NALCN: variants seen among roughly 807,000 people sequenced by gnomAD.
NALCN encodes sodium leak channel, non-selective, also known as sodium leak channel NALCN.
Under a neutral mutation model 225.3 loss-of-function variants are expected in NALCN, and 111 were observed. The ratio of observed to expected loss-of-function variants is 0.49; its 90% CI spans 0.42 to 0.58. NALCN has a LOEUF of 0.58. Ranked by LOEUF, NALCN falls within the 20% of genes least tolerant of loss-of-function variation. The pLI, the probability that NALCN is intolerant of heterozygous loss-of-function variation, is 0.00. For missense variants in NALCN, 1,378 were observed against 2,202.4 expected (o/e 0.63, Z 7.49); for synonymous variants, 764 against 769.0 (o/e 0.99, Z 0.11).
At chr13:101,207,869 T>G (rs1187502342) in intron 13 of NALCN, among the ~76,000 whole-genome samples, 1 of 152,206 alleles carries the variant, frequency 6.6e-6, no homozygotes, top group Admixed American at 6.5e-5. Context: ...TTGCTGCTGC[T>G]CACTCTTTGG....
intron 9 of NALCN, among the ~76,000 whole-genome samples, 175 bp from the exon 10 acceptor site, chr13:101,284,194 A>C (rs1483737724): frequency 6.6e-6 from 1 of 152,224 alleles, no homozygotes; most frequent in Non-Finnish European, 1.5e-5. Flanking sequence ...TAAATGAATG[A>C]AAAAAGAACA....
chr13:101,299,093 T>C (rs955619318), intron 7 of NALCN, among the ~76,000 whole-genome samples: 1 of 152,256 alleles, frequency 6.6e-6, no homozygotes, highest in African/African-American at 2.4e-5. Context: ...TGCTTATTTG[T>C]ATAAAGTATT....
At chr13:101,288,049 A>C (rs1048783854) in intron 9 of NALCN, among the ~76,000 whole-genome samples, 5 of 152,194 alleles carry the variant, frequency 3.3e-5, no homozygotes, top group African/African-American at 1.2e-4. Flanking sequence ...ATGGTTTTTC[A>C]AAAAATAGCT....
chr13:101,090,737 G>A (rs1173557547), intron 28 of NALCN, among the ~76,000 whole-genome samples: 1 of 152,048 alleles, frequency 6.6e-6, no homozygotes, highest in Admixed American at 6.6e-5. Context: ...TATAGATTTG[G>A]GGGGTACACG....
chr13:101,283,209 G>T (rs1218967592), intron 10 of NALCN, among the ~76,000 whole-genome samples: 1 of 152,154 alleles, frequency 6.6e-6, no homozygotes, highest in Non-Finnish European at 1.5e-5. Context: ...TTGGTAAGGT[G>T]ACATTATTTT....
At chr13:101,153,055 C>T (rs908852416) in intron 15 of NALCN, among the ~76,000 whole-genome samples, 2 of 149,340 alleles carry the variant, frequency 1.3e-5, no homozygotes, top group African/African-American at 5.1e-5. Flanking sequence ...TGTAATTTTT[C>T]TCTTTTTTTT....
At chr13:101,144,467 C>T (rs1202313399) in intron 16 of NALCN, among the ~76,000 whole-genome samples, 1 of 152,206 alleles carries the variant, frequency 6.6e-6, no homozygotes, top group African/African-American at 2.4e-5. Flanking sequence ...TCTCCAGTTT[C>T]CTGGGATGTC....
chr13:101,073,494 C>A, intron 37 of NALCN, 90 bp downstream of exon 37: 1 of 1,073,546 alleles, frequency 9.3e-7, no homozygotes, highest in East Asian at 2.4e-5. Flanking sequence ...AAAGTCTTAA[C>A]GCTAACAAGG....
intron 15 of NALCN, among the ~76,000 whole-genome samples, chr13:101,167,836 C>CAAAAA (rs1202439851): frequency 8.3e-6 from 1 of 120,468 alleles, no homozygotes; most frequent in Admixed American, 8.0e-5. Context: ...GAGACTCTGT[C>CAAAAA]AAAAAAAAAC....
chr13:101,248,860 A>C (rs540818423), intron 11 of NALCN, among the ~76,000 whole-genome samples: 1 of 152,234 alleles, frequency 6.6e-6, no homozygotes, highest in East Asian at 1.9e-4. Flanking sequence ...AAATTATCAA[A>C]CTTGAGAAGG....
In NALCN at chr13:101,399,068, G is replaced by A; in HGVS notation, c.59C>T (p.Pro20Leu). Reference sequence around the variant, plus strand: ...AGCATTATCCGACAGAGACTCATCAGGACCAAAGTCAGTGACTGGCTGGGC... The same window carrying A: ...AGCATTATCCGACAGAGACTCATCAAGACCAAAGTCAGTGACTGGCTGGGC... ...VEAQPVTDFG[P>L]DESLSDNADI... The change falls in exon 2 of 44, where the codon CCT (proline) becomes CTT (leucine). Residue 20 changes from proline to leucine, a missense_variant. Pro to Leu is a moderately conservative substitution (Grantham distance 98, BLOSUM62 -3). Coordinates refer to ENST00000251127, the MANE Select transcript of NALCN (RefSeq NM_052867.4). 1.2e-6 allele frequency: 2 copies of A among 1,613,584 alleles called. No individual in the cohort carries two copies. The highest frequency in any genetic ancestry group is 1.7e-6 in the Non-Finnish European group (2 of 1,179,620).
chr13:101,095,642 C>T lies in NALCN; in HGVS notation c.3201G>A (p.Val1067=). 5 of 1,613,350 alleles carry T rather than the reference C, an allele frequency of 3.1e-6. No homozygotes were observed. The highest frequency in any genetic ancestry group is 2.2e-5 in the South Asian group (2 of 90,946). The change falls in exon 28 of 44, where the codon GTG becomes GTA. Residue 1067 remains valine (V), a synonymous_variant. Transcript: ENST00000251127. ...CNGIFRINVS[V]SKNLNLKLRP... Reference sequence around the variant, plus strand: ...TCAATTTTAAATTTAAGTTCTTTGACACACTGACATTAATTCTGAATATGC... The same window carrying T: ...TCAATTTTAAATTTAAGTTCTTTGATACACTGACATTAATTCTGAATATGC...
intron 15 of NALCN, among the ~76,000 whole-genome samples, chr13:101,148,633 G>T (rs1032223155): frequency 1.3e-5 from 2 of 152,178 alleles, no homozygotes; most frequent in African/African-American, 2.4e-5. Context: ...TAAACTTGGT[G>T]AGGACAGGAA....
chr13:101,304,090 T>A (rs1243022236), intron 7 of NALCN, among the ~76,000 whole-genome samples: 1 of 152,210 alleles, frequency 6.6e-6, no homozygotes, highest in Non-Finnish European at 1.5e-5. Flanking sequence ...TAGGTGTTCG[T>A]CTTACAAATC....
chr13:101,081,565 G>A lies in NALCN; in HGVS notation c.3847C>T (p.Leu1283Phe). Reference protein sequence around the residue: ...RNRYDLLVTSLGVVWVVLHFA... With the variant: ...RNRYDLLVTSFGVVWVVLHFA... ...TGAAGCACCACCCATACAACGCCAAGCGACGTCACCAGGAGATCGTATCGG... is the reference window on the plus strand; with the variant it reads ...TGAAGCACCACCCATACAACGCCAAACGACGTCACCAGGAGATCGTATCGG... The change falls in exon 34 of 44, where the codon CTT becomes TTT. Residue 1283 changes from leucine (L) to phenylalanine (F), a missense_variant. Coordinates refer to ENST00000251127, the MANE Select transcript of NALCN (RefSeq NM_052867.4). 1 of 1,614,148 alleles carries A rather than the reference G, an allele frequency of 6.2e-7. No homozygotes were observed. Among genetic ancestry groups the A allele is most frequent in the Non-Finnish European group, 8.5e-7 (1 of 1,180,016 alleles).
In NALCN at chr13:101,144,867, G is replaced by T; in HGVS notation, c.1869C>A (p.Thr623=). ...GCAGGCGTAAAGGGAGCTTTTCTTTGGTGTCCGCATTTGCTTCACTTTGCT... is the reference window on the plus strand; with the variant it reads ...GCAGGCGTAAAGGGAGCTTTTCTTTTGTGTCCGCATTTGCTTCACTTTGCT... The part of the protein sequence containing the change: ...QLKQSEANAD[T]KEKLPLRLRI... The change falls in exon 16 of 44, where the codon ACC becomes ACA. Residue 623 remains threonine (T), a synonymous_variant. Coordinates refer to ENST00000251127, the MANE Select transcript of NALCN (RefSeq NM_052867.4). 6.2e-7 allele frequency: 1 copy of T among 1,611,336 alleles called. No individual in the cohort carries two copies. The highest frequency in any genetic ancestry group is 1.1e-5 in the South Asian group (1 of 90,346).
intron 22 of NALCN, among the ~76,000 whole-genome samples, chr13:101,107,280 A>G (rs1376183334): frequency 6.6e-6 from 1 of 152,236 alleles, no homozygotes; most frequent in South Asian, 2.1e-4. Flanking sequence ...TGTTTTATCA[A>G]TGCGAGTTTT....
At chr13:101,227,418 G>C (rs2041186417) in intron 13 of NALCN, among the ~76,000 whole-genome samples, 1 of 152,006 alleles carries the variant, frequency 6.6e-6, no homozygotes, top group South Asian at 2.1e-4. Context: ...GGGAATCTAG[G>C]AGTGGCCAAC....
Position 101,176,390 on chromosome 13 carries a change from A to C in NALCN, c.1765-16T>G. ...TCAGGAGGATCTATAAAATGGTGAA[A>C]TAACAATGAAAAAACCCACATGCCA... On this transcript the variant is annotated splice_polypyrimidine_tract_variant and intron_variant, in intron 14 of 43. Transcript: ENST00000251127. The C allele has an allele frequency of 6.3e-7, 1 of 1,578,826 alleles. No homozygotes were observed.
Sources: allele counts gnomAD v4.1 joint callset (sites outside exome capture counted in the v4.1 genomes callset), GRCh38; gene constraint gnomAD v4.1.1; transcripts MANE v1.5; gene names NCBI Gene and HGNC (gene_info 2026-07-23, HGNC 2026-07-21).